Variants in LPAR1 observed in about 807,000 individuals in gnomAD.
LPAR1 encodes the protein LPA receptor 1.
LPAR1 carries 5 observed loss-of-function variants against 23.8 expected under a neutral mutation model. The ratio of observed to expected loss-of-function variants is 0.21; its 90% CI spans 0.11 to 0.44. LPAR1 has a LOEUF of 0.44. Among genes scored for constraint, LPAR1 ranks in the 20% least tolerant of loss-of-function variants. The pLI, the probability that LPAR1 is intolerant of heterozygous loss-of-function variation, is 0.99. For missense variants in LPAR1, 311 were observed against 482.8 expected (o/e 0.64, Z 3.33); for synonymous variants, 160 against 164.7 (o/e 0.97, Z 0.22).
intron 5 of LPAR1, among the ~76,000 whole-genome samples, chr9:110,923,521 T>C (rs2093786299): frequency 6.6e-6 from 1 of 152,228 alleles, no homozygotes; most frequent in African/African-American, 2.4e-5. Flanking sequence ...GTTCTGAGCA[T>C]GTTTAAGGTA....
intron 5 of LPAR1, among the ~76,000 whole-genome samples, chr9:110,903,882 C>CAA (rs61456167): frequency 0.052 from 3,966 of 76,162 alleles, 494 homozygotes; most frequent in East Asian, 0.44. Flanking sequence ...AAGTGAATTG[C>CAA]AAAAAAAAAA....
chr9:110,881,950 T>A (rs2080992214), intron 5 of LPAR1, among the ~76,000 whole-genome samples: 2 of 152,230 alleles, frequency 1.3e-5, no homozygotes, highest in Non-Finnish European at 2.9e-5. Flanking sequence ...GAGGTTCCAG[T>A]CACACAGACC....
At chr9:110,895,726 C>A (rs1421894414) in intron 5 of LPAR1, among the ~76,000 whole-genome samples, 2 of 152,124 alleles carry the variant, frequency 1.3e-5, no homozygotes, top group Non-Finnish European at 2.9e-5. Context: ...TGGACCCCAC[C>A]CTCCAGAAAC....
intron 5 of LPAR1, among the ~76,000 whole-genome samples, chr9:110,883,280 C>T (rs2081367955): frequency 6.6e-6 from 1 of 152,108 alleles, no homozygotes; most frequent in Non-Finnish European, 1.5e-5. Flanking sequence ...AGCTGTTCTG[C>T]CCACCTTCGC....
intron 5 of LPAR1, among the ~76,000 whole-genome samples, chr9:110,932,161 T>A (rs1043531911): frequency 6.6e-6 from 1 of 152,172 alleles, no homozygotes; most frequent in East Asian, 1.9e-4. Flanking sequence ...CTATTGTAAC[T>A]AGGCAACCTG....
chr9:111,005,691 A>G (rs1166795658), intron 2 of LPAR1, among the ~76,000 whole-genome samples: 1 of 151,998 alleles, frequency 6.6e-6, no homozygotes, highest in Admixed American at 6.6e-5. Context: ...TTTACCAACA[A>G]AACTACCTGG....
At chr9:110,907,344 G>A (rs1238887117) in intron 5 of LPAR1, among the ~76,000 whole-genome samples, 6 of 152,172 alleles carry the variant, frequency 3.9e-5, no homozygotes, top group African/African-American at 1.4e-4. Flanking sequence ...TCTTAGCTCT[G>A]TAAAAAGGCA....
At chr9:110,885,456 T>C (rs1252159444) in intron 5 of LPAR1, among the ~76,000 whole-genome samples, 1 of 152,186 alleles carries the variant, frequency 6.6e-6, no homozygotes. Context: ...TGTGTTCCTC[T>C]GAATGTTCTT....
intron 2 of LPAR1, among the ~76,000 whole-genome samples, chr9:110,985,872 G>T (rs902117150): frequency 3.3e-5 from 5 of 152,072 alleles, no homozygotes; most frequent in African/African-American, 1.2e-4. Context: ...CTACTTAGAA[G>T]TAGTAAATCA....
At chr9:110,929,749 T>C (rs983504733) in intron 5 of LPAR1, among the ~76,000 whole-genome samples, 2 of 148,896 alleles carry the variant, frequency 1.3e-5, no homozygotes, top group South Asian at 4.3e-4. Flanking sequence ...TGTGTTATAG[T>C]TGCCAGATAA....
intron 5 of LPAR1, among the ~76,000 whole-genome samples, chr9:110,893,275 G>T (rs1345969376): frequency 6.6e-6 from 1 of 152,090 alleles, no homozygotes; most frequent in Non-Finnish European, 1.5e-5. Flanking sequence ...ACTTGAAGAA[G>T]CATATAAAAA....
Position 111,019,714 on chromosome 9 carries a change from G to A in LPAR1, c.-182+16408C>T, listed in dbSNP as rs547363633. The stretch of plus-strand genomic sequence containing the variant: ...CAAAAAATTAGCCGGGCTTGGTGGC[G>A]GGCACCTGTAGTCCCAGCTACTCAG... On this transcript the variant is annotated intron_variant, in intron 2 of 5. Transcript: ENST00000683809. Among the ~76,000 whole-genome samples the A allele has an allele frequency of 5.9e-5, 9 of 151,878 alleles. No homozygotes were observed. In the East Asian group the frequency reaches 1.4e-3, roughly 23 times the overall value.
At chr9:110,914,107 C>T (rs557023604) in intron 5 of LPAR1, among the ~76,000 whole-genome samples, 4 of 152,314 alleles carry the variant, frequency 2.6e-5, no homozygotes, top group Admixed American at 1.3e-4. Flanking sequence ...AAGCTCCACA[C>T]CCAAGAACTT....
intron 4 of LPAR1, among the ~76,000 whole-genome samples, chr9:110,963,238 T>C (rs897592726): frequency 7.2e-5 from 11 of 152,224 alleles, no homozygotes; most frequent in Admixed American, 2.6e-4. Flanking sequence ...AAATTCAAAA[T>C]GGGCTTTCAG....
At chr9:111,032,348 T>G (rs1444213257) in intron 2 of LPAR1, among the ~76,000 whole-genome samples, 2 of 152,088 alleles carry the variant, frequency 1.3e-5, no homozygotes, top group African/African-American at 4.8e-5. Flanking sequence ...CCGCTGAGGG[T>G]CAAGTGCCCC....
chr9:111,011,130 G>A (rs1289111421), intron 2 of LPAR1, among the ~76,000 whole-genome samples: 1 of 152,142 alleles, frequency 6.6e-6, no homozygotes, highest in Admixed American at 6.6e-5. Flanking sequence ...GTGAGCATAA[G>A]TGTATGTAGT....
At chr9:111,021,858 G>A (rs974301528) in intron 2 of LPAR1, among the ~76,000 whole-genome samples, 1 of 150,944 alleles carries the variant, frequency 6.6e-6, no homozygotes, top group African/African-American at 2.4e-5. Context: ...CTACTCAAGA[G>A]GCTTAGGCAG....
intron 2 of LPAR1, among the ~76,000 whole-genome samples, chr9:110,994,253 C>A (rs1450955060): frequency 1.3e-5 from 2 of 152,042 alleles, no homozygotes; most frequent in Non-Finnish European, 2.9e-5. Context: ...CAATGAACAG[C>A]CTATAATCAA....
intron 3 of LPAR1, among the ~76,000 whole-genome samples, chr9:110,972,986 G>A (rs1383623281): frequency 6.6e-6 from 1 of 151,762 alleles, no homozygotes; most frequent in Non-Finnish European, 1.5e-5. Flanking sequence ...ACTGTGAATA[G>A]TACCCAACCC....
Sources: gnomAD v4.1 joint callset for allele counts (sites outside exome capture counted in the v4.1 genomes callset) on GRCh38, gnomAD v4.1.1 for gene constraint, MANE v1.5 for transcripts, NCBI Gene and HGNC (gene_info 2026-07-23, HGNC 2026-07-21) for gene names.